Variants in TRIM55 observed in about 807,000 individuals in gnomAD.
TRIM55 encodes the protein tripartite motif-containing protein 55.
TRIM55 carries 50 observed loss-of-function variants against 60.9 expected under a neutral mutation model. The observed-to-expected ratio is 0.82, with a 90% CI of 0.65 to 1.04. The LOEUF (loss-of-function observed/expected upper bound fraction) is 1.04. Ranked by LOEUF, TRIM55 falls within the 50% of genes least tolerant of loss-of-function variation. TRIM55 has a pLI of 0.00. For synonymous variants in TRIM55, 237 were observed against 238.1 expected, an observed-to-expected ratio of 1.00 and a Z score of 0.04; for missense variants, 681 against 666.9, an observed-to-expected ratio of 1.02 and a Z score of -0.23.
intron 4 of TRIM55, among the ~76,000 whole-genome samples, chr8:66,142,639 CA>C (rs1231226134): frequency 6.6e-6 from 1 of 152,210 alleles, no homozygotes; most frequent in African/African-American, 2.4e-5. Context: ...AGAAATCCCT[CA>C]AATTACCGTA....
chr8:66,143,383 A>C (rs979808937), intron 4 of TRIM55, among the ~76,000 whole-genome samples: 1 of 152,240 alleles, frequency 6.6e-6, no homozygotes, highest in Non-Finnish European at 1.5e-5. Context: ...GAAGCACATC[A>C]TAGCCTAATG....
intron 7 of TRIM55, 56 bp from the exon 8 acceptor site, chr8:66,152,319 CTG>C: frequency 7.2e-6 from 11 of 1,523,500 alleles, no homozygotes; most frequent in Non-Finnish European, 7.0e-6. Context: ...TGGCCATTAA[CTG>C]TGTCCATGGC....
intron 7 of TRIM55, among the ~76,000 whole-genome samples, chr8:66,150,807 C>G (rs7834526): frequency 0.052 from 7,842 of 152,212 alleles, 615 homozygotes; most frequent in African/African-American, 0.17. Context: ...GCTGGGATTA[C>G]AGGCACCTGC....
intron 4 of TRIM55, among the ~76,000 whole-genome samples, chr8:66,148,369 C>T (rs1810219303): frequency 6.6e-6 from 1 of 152,222 alleles, no homozygotes; most frequent in Non-Finnish European, 1.5e-5. Flanking sequence ...TACAGTATTA[C>T]CCATTCTTAG....
At chr8:66,141,605 GA>G (rs1461393957) in intron 4 of TRIM55, among the ~76,000 whole-genome samples, 2 of 152,220 alleles carry the variant, frequency 1.3e-5, no homozygotes, top group Non-Finnish European at 2.9e-5. Context: ...TTTACCAGTG[GA>G]ACTTATCCTA....
At chr8:66,173,475 T>A (rs1811754343) in intron 9 of TRIM55, among the ~76,000 whole-genome samples, 1 of 152,240 alleles carries the variant, frequency 6.6e-6, no homozygotes, top group South Asian at 2.1e-4. Context: ...TCCATTCATA[T>A]CGCAGCTTCA....
intron 3 of TRIM55, among the ~76,000 whole-genome samples, chr8:66,136,408 G>A (rs1458010746): frequency 6.6e-6 from 1 of 152,172 alleles, no homozygotes; most frequent in Non-Finnish European, 1.5e-5. Context: ...GAGAAAATTA[G>A]GGTCAAAATT....
intron 4 of TRIM55, among the ~76,000 whole-genome samples, chr8:66,147,970 C>T (rs1447113161): frequency 6.6e-6 from 1 of 152,052 alleles, no homozygotes; most frequent in Admixed American, 6.6e-5. Flanking sequence ...ACATAAAAGA[C>T]TTCAATGTTT....
At chr8:66,168,278 A>G (rs1811433670) in intron 9 of TRIM55, among the ~76,000 whole-genome samples, 1 of 152,166 alleles carries the variant, frequency 6.6e-6, no homozygotes, top group Admixed American at 6.5e-5. Context: ...TGAGTCAGAG[A>G]TAGTGCCTCA....
At chr8:66,113,559 A>G in the TRIM55 span, 2 of 456,150 alleles carry the variant, frequency 4.4e-6, no homozygotes, top group Non-Finnish European at 8.8e-6. Flanking sequence ...TTGAAAGTCT[A>G]GCGCTTTCTC....
intron 4 of TRIM55, among the ~76,000 whole-genome samples, chr8:66,137,758 GAAAA>G (rs34634925): frequency 1.8e-4 from 21 of 116,314 alleles, no homozygotes; most frequent in South Asian, 5.8e-4. Flanking sequence ...AATCAACACT[GAAAA>G]AAAAAAAAAA....
At chr8:66,168,953 C>A (rs1471832008) in intron 9 of TRIM55, among the ~76,000 whole-genome samples, 1 of 152,106 alleles carries the variant, frequency 6.6e-6, no homozygotes. Flanking sequence ...CTTGACTGAG[C>A]CTTAAGGAAT....
chr8:66,114,243 T>C, the TRIM55 span, among the ~76,000 whole-genome samples: 1 of 152,148 alleles, frequency 6.6e-6, no homozygotes, highest in African/African-American at 2.4e-5. Flanking sequence ...GGTAGCGGGA[T>C]CGATGCCCGC....
rs765603540 is a variant in TRIM55, at chr8:66,152,547, G to C, written c.1156G>C (p.Ala386Pro). 1 of 1,614,138 alleles carries C rather than the reference G, an allele frequency of 6.2e-7. No individual in the cohort carries two copies. Among genetic ancestry groups the C allele is most frequent in the Non-Finnish European group, 8.5e-7 (1 of 1,180,030 alleles). Reference protein sequence around the residue: ...ASELSQVELQAAPGALPVSSP... With the variant: ...ASELSQVELQPAPGALPVSSP... ...AGAGCTCTCTCAGGTGGAGCTGCAG[G>C]CTGCCCCTGGGGCACTTCCAGTTTC... Residue 386 changes from alanine (A) to proline (P), a missense_variant, in exon 8 of 10, where the codon GCT (alanine) becomes CCT (proline). Ala to Pro is a conservative substitution (Grantham distance 27). Transcript: ENST00000315962.
intron 4 of TRIM55, among the ~76,000 whole-genome samples, chr8:66,144,030 A>G (rs768802520): frequency 1.2e-4 from 18 of 152,176 alleles, no homozygotes; most frequent in Admixed American, 5.9e-4. Context: ...TTTCCATGAA[A>G]TGTTCTCTTT....
At chr8:66,127,565 G>T in intron 1 of TRIM55, 129 bp downstream of exon 1, 1 of 1,067,664 alleles carries the variant, frequency 9.4e-7, no homozygotes, top group Non-Finnish European at 1.4e-6. Flanking sequence ...TTTGGCTCAC[G>T]CCTGTAGTCC....
chr8:66,144,850 C>T lies in TRIM55; in HGVS notation c.604-4795C>T, dbSNP rs1445672515. On this transcript the variant is annotated intron_variant, in intron 4 of 9. Coordinates refer to ENST00000315962, the MANE Select transcript of TRIM55 (RefSeq NM_184085.2). ...CATGCTTTTGTAGGTAACAACAGTC[C>T]TTTAAAGTGTTCTGTCTGCAGACGT... Among the ~76,000 whole-genome samples, 3 of 152,202 alleles carry T rather than the reference C, an allele frequency of 2.0e-5. No homozygotes were observed. In the East Asian group the frequency reaches 5.8e-4, roughly 29 times the overall value.
At chr8:66,134,185 T>C (rs1809342319) in intron 2 of TRIM55, among the ~76,000 whole-genome samples, 1 of 152,208 alleles carries the variant, frequency 6.6e-6, no homozygotes, top group Admixed American at 6.5e-5. Flanking sequence ...TAGTCCCAAA[T>C]CTAAGATGTT....
intron 4 of TRIM55, among the ~76,000 whole-genome samples, chr8:66,146,251 G>A (rs1452186588): frequency 6.6e-6 from 1 of 152,068 alleles, no homozygotes; most frequent in Non-Finnish European, 1.5e-5. Flanking sequence ...ATAAACAAAT[G>A]ATAGTAGTTT....
Sources: gnomAD v4.1 joint callset for allele counts (sites outside exome capture counted in the v4.1 genomes callset) on GRCh38, gnomAD v4.1.1 for gene constraint, MANE v1.5 for transcripts, NCBI Gene and HGNC (gene_info 2026-07-23, HGNC 2026-07-21) for gene names.